Variants in SLC60A2 observed in about 807,000 individuals in gnomAD.
The protein encoded by SLC60A2 is solute carrier family 60 member 2, also known as major facilitator superfamily domain containing 4B.
the SLC60A2 span, chr6:111,266,601 T>C: frequency 1.6e-5 from 26 of 1,614,126 alleles, no homozygotes; most frequent in Non-Finnish European, 2.1e-5. Flanking sequence ...GATTGAGCAG[T>C]ACACGACCAT....
chr6:111,269,086 C>T, the SLC60A2 span: 9 of 152,140 alleles, frequency 5.9e-5, no homozygotes, highest in Admixed American at 1.3e-4. Context: ...GACCACTGCC[C>T]GCCCATTCAC....
chr6:111,266,344 G>A, the SLC60A2 span: 1 of 1,614,016 alleles, frequency 6.2e-7, no homozygotes, highest in South Asian at 1.1e-5. Context: ...ACCCATGCTG[G>A]CATGAAAGAA....
chr6:111,266,029 C>G, the SLC60A2 span: 7 of 1,614,184 alleles, frequency 4.3e-6, no homozygotes, highest in Non-Finnish European at 5.9e-6. Context: ...CACACAGAGT[C>G]TGACTTCCAT....
the SLC60A2 span, chr6:111,262,448 T>A: frequency 6.3e-7 from 1 of 1,594,110 alleles, no homozygotes; most frequent in Non-Finnish European, 8.6e-7. Context: ...TAATTTTAGC[T>A]TCTTTATGAC....
the SLC60A2 span, chr6:111,270,143 TCA>T: frequency 5.9e-5 from 9 of 152,118 alleles, no homozygotes; most frequent in Non-Finnish European, 1.3e-4. Flanking sequence ...CAGATGCCTC[TCA>T]CAACATGGCA....
At chr6:111,275,975 T>G in the SLC60A2 span, among the ~76,000 whole-genome samples, 5 of 152,188 alleles carry the variant, frequency 3.3e-5, no homozygotes, top group Non-Finnish European at 7.3e-5. Context: ...CCATTCTACT[T>G]TGTCTATGAA....
chr6:111,263,040 C>T, the SLC60A2 span, among the ~76,000 whole-genome samples: 125 of 152,188 alleles, frequency 8.2e-4, no homozygotes, highest in South Asian at 6.6e-3. Flanking sequence ...TGGGCTCAAG[C>T]GATCCTCCCA....
At chr6:111,264,315 G>A in the SLC60A2 span, among the ~76,000 whole-genome samples, 1 of 152,178 alleles carries the variant, frequency 6.6e-6, no homozygotes, top group African/African-American at 2.4e-5. Flanking sequence ...GTTAAACCAA[G>A]TTTGGAACTG....
At chr6:111,261,227 G>A in the SLC60A2 span, among the ~76,000 whole-genome samples, 1 of 152,184 alleles carries the variant, frequency 6.6e-6, no homozygotes, top group African/African-American at 2.4e-5. Context: ...TCTCCTGTAT[G>A]TTTTATATGT....
the SLC60A2 span, chr6:111,266,122 C>CTGT: frequency 5.0e-6 from 8 of 1,614,170 alleles, no homozygotes; most frequent in Non-Finnish European, 6.8e-6. Flanking sequence ...TGGGCTTATG[C>CTGT]TGTTATCGGT....
the SLC60A2 span, among the ~76,000 whole-genome samples, chr6:111,274,905 C>T: frequency 2.6e-5 from 4 of 151,946 alleles, no homozygotes; most frequent in East Asian, 7.7e-4. Context: ...CTGTGACTAT[C>T]CTTTTCTGTT....
chr6:111,277,081 A>G, the SLC60A2 span, among the ~76,000 whole-genome samples: 3 of 152,210 alleles, frequency 2.0e-5, no homozygotes, highest in Non-Finnish European at 4.4e-5. Flanking sequence ...CCATCCAGAA[A>G]GTGGCTACTT....
At chr6:111,273,950 A>G in the SLC60A2 span, among the ~76,000 whole-genome samples, 2 of 152,018 alleles carry the variant, frequency 1.3e-5, no homozygotes. Context: ...CTTGAACTGC[A>G]CTCAAGTGAT....
At chr6:111,268,399 T>TGTATA in the SLC60A2 span, 15 of 152,230 alleles carry the variant, frequency 9.9e-5, no homozygotes, top group Non-Finnish European at 2.9e-5. Context: ...TTTTCCCATA[T>TGTATA]GTATATATAA....
the SLC60A2 span, among the ~76,000 whole-genome samples, chr6:111,261,369 G>T: frequency 6.6e-6 from 1 of 152,184 alleles, no homozygotes; most frequent in East Asian, 1.9e-4. Context: ...ACTCACTACA[G>T]TCTCGACCTC....
the SLC60A2 span, among the ~76,000 whole-genome samples, chr6:111,276,661 G>T: frequency 3.3e-5 from 5 of 152,160 alleles, no homozygotes; most frequent in African/African-American, 1.2e-4. Flanking sequence ...GTACAGCTTT[G>T]ATCTCAGTTT....
chr6:111,266,635 T>C, the SLC60A2 span: 3 of 1,614,140 alleles, frequency 1.9e-6, no homozygotes, highest in Non-Finnish European at 8.5e-7. Context: ...GCAGCATTTT[T>C]TGTAATTGGT....
the SLC60A2 span, among the ~76,000 whole-genome samples, chr6:111,272,156 C>T: frequency 6.6e-6 from 1 of 152,170 alleles, no homozygotes; most frequent in Non-Finnish European, 1.5e-5. Flanking sequence ...GCTTGTGCAA[C>T]CATGCCTGGC....
the SLC60A2 span, chr6:111,265,234 G>A: frequency 2.2e-6 from 2 of 918,514 alleles, no homozygotes; most frequent in Admixed American, 6.2e-5. Flanking sequence ...AAATTATAGG[G>A]TAGAATTATA....
Sources: gnomAD v4.1 joint callset for allele counts (sites outside exome capture counted in the v4.1 genomes callset) on GRCh38, gnomAD v4.1.1 for gene constraint, MANE v1.5 for transcripts, NCBI Gene and HGNC (gene_info 2026-07-23, HGNC 2026-07-21) for gene names.